EXPH5: variants seen among roughly 807,000 people sequenced by gnomAD.
EXPH5 encodes exophilin 5, also known as exophilin-5.
A neutral mutation model predicts 41.1 loss-of-function variants in EXPH5; 42 were observed. That is an observed-to-expected ratio of 1.02 (90% CI 0.80 to 1.32). The LOEUF (loss-of-function observed/expected upper bound fraction) is 1.32, where lower values mean the gene tolerates loss of function less well. Ranked by LOEUF, EXPH5 falls within the 40% of genes most tolerant of loss-of-function variation. The pLI, the probability that EXPH5 is intolerant of heterozygous loss-of-function variation, is 0.00. For synonymous variants in EXPH5, 798 were observed against 833.5 expected, an observed-to-expected ratio of 0.96 and a Z score of 0.73; for missense variants, 2,298 against 2,314.5, an observed-to-expected ratio of 0.99 and a Z score of 0.15.
At chr11:108,566,457 G>C (rs1565825919) in intron 1 of EXPH5, among the ~76,000 whole-genome samples, 1 of 152,152 alleles carries the variant, frequency 6.6e-6, no homozygotes, top group Non-Finnish European at 1.5e-5. Flanking sequence ...TGGTTACAAA[G>C]TTTTTATTTG....
rs1311667707 is a variant in EXPH5 at position 108,513,936 on chromosome 11, T to C, written c.1571A>G (p.Asn524Ser). Residue 524 changes from asparagine to serine, a missense_variant, in exon 6 of 6, where the codon AAT (asparagine) becomes AGT (serine). Physicochemically the swap from Asn to Ser is conservative, Grantham distance 46 (BLOSUM62 1). Transcript: ENST00000265843. ...ANSVSAIHGH[N>S]VSSEHWESFS... ...TGATTCCCAGTGTTCAGAAGAAACA[T>C]TATGGCCATGAATGGCTGATACACT... The C allele has an allele frequency of 1.2e-6, 2 of 1,608,128 alleles. No individual in the cohort carries two copies. Among genetic ancestry groups the C allele is most frequent in the East Asian group, 2.2e-5 (1 of 44,858 alleles).
At position 108,511,093 on chromosome 11, in the gene EXPH5, C is replaced by G. The variant is rs765181920; in HGVS notation, c.4414G>C (p.Val1472Leu). The change falls in exon 6 of 6, where the codon GTA (valine) becomes CTA (leucine). Residue 1472 changes from valine (V) to leucine (L), a missense_variant. Coordinates refer to ENST00000265843, the MANE Select transcript of EXPH5 (RefSeq NM_015065.3). ...CPQKDHTSTA[V>L]GDGSSGSQPR... ...TGTGATCCACTGGAGCCATCACCTA[C>G]AGCTGTGGATGTGTGATCTTTCTGG... 8 of 1,614,126 alleles carry G rather than the reference C, an allele frequency of 5.0e-6. No homozygotes were observed. The South Asian group carries it at 8.8e-5, about 18-fold the overall frequency.
chr11:108,545,597 G>A (rs1012319968), intron 1 of EXPH5, among the ~76,000 whole-genome samples: 1 of 151,976 alleles, frequency 6.6e-6, no homozygotes, highest in Non-Finnish European at 1.5e-5. Flanking sequence ...TGTGTGTGGG[G>A]GGGAAACAAT....
chr11:108,561,126 T>C (rs142052667), intron 1 of EXPH5, among the ~76,000 whole-genome samples: 90 of 152,286 alleles, frequency 5.9e-4, no homozygotes, highest in African/African-American at 2.1e-3. Context: ...CTGTAAACAA[T>C]CAGCCTATTT....
At chr11:108,533,108 A>G (rs965871231) in intron 3 of EXPH5, among the ~76,000 whole-genome samples, 6 of 152,158 alleles carry the variant, frequency 3.9e-5, no homozygotes, top group African/African-American at 1.4e-4. Context: ...ATGATCATCT[A>G]TCTACCTAGT....
chr11:108,576,319 C>G (rs73550541), intron 1 of EXPH5, among the ~76,000 whole-genome samples: 1 of 152,036 alleles, frequency 6.6e-6, no homozygotes, highest in Non-Finnish European at 1.5e-5. Context: ...TAAAAGAAGA[C>G]AGACAAAAAT....
chr11:108,545,523 C>T (rs914390702), intron 1 of EXPH5, among the ~76,000 whole-genome samples: 3 of 151,876 alleles, frequency 2.0e-5, no homozygotes, highest in South Asian at 4.2e-4. Flanking sequence ...ACATTTGAAC[C>T]CTGGGCAAAG....
intron 1 of EXPH5, among the ~76,000 whole-genome samples, chr11:108,546,960 G>A (rs781680159): frequency 2.4e-4 from 36 of 151,512 alleles, no homozygotes; most frequent in Non-Finnish European, 4.0e-4. Context: ...GTGCCACCAC[G>A]CCCAGCTAAT....
upstream of EXPH5, chr11:108,593,863 C>T (rs1312106347): frequency 8.7e-6 from 8 of 920,474 alleles, no homozygotes; most frequent in Non-Finnish European, 1.3e-5. Flanking sequence ...CGTCCCGTCC[C>T]TCGTCCCCTC....
the EXPH5 span, among the ~76,000 whole-genome samples, chr11:108,602,082 G>T: frequency 1.3e-5 from 2 of 152,110 alleles, no homozygotes; most frequent in South Asian, 2.1e-4. Flanking sequence ...TTTCCTATTT[G>T]CTTTTAAGGC....
Position 108,511,717 on chromosome 11 carries a change from A to AT in EXPH5, c.3789dup (p.Phe1264IlefsTer3). 2 of 1,608,526 alleles carry AT rather than the reference A, an allele frequency of 1.2e-6. No individual in the cohort carries two copies. The highest frequency in any genetic ancestry group is 1.3e-5 in the African/African-American group (1 of 74,580). On this transcript the variant is annotated frameshift_variant, in exon 6 of 6. Coordinates refer to ENST00000265843, the MANE Select transcript of EXPH5 (RefSeq NM_015065.3). LOFTEE classifies it low-confidence loss of function (END_TRUNC). The stretch of plus-strand genomic sequence containing the variant: ...GTATACTGTTGAAGGAGGTTACAGA[A>AT]TTTTTTGCTGGGTTTCCTCGGTAGA...
At chr11:108,579,861 G>A (rs1009374594) in intron 1 of EXPH5, among the ~76,000 whole-genome samples, 2 of 152,136 alleles carry the variant, frequency 1.3e-5, no homozygotes, top group African/African-American at 4.8e-5. Context: ...TAGGAAAAGG[G>A]TTTTCTGGCA....
chr11:108,539,836 G>A (rs570243525), intron 2 of EXPH5, among the ~76,000 whole-genome samples: 1 of 152,192 alleles, frequency 6.6e-6, no homozygotes, highest in African/African-American at 2.4e-5. Flanking sequence ...GGGATTTTTG[G>A]ATTTGGGATG....
At chr11:108,568,406 C>T (rs1366729096) in intron 1 of EXPH5, among the ~76,000 whole-genome samples, 7 of 152,072 alleles carry the variant, frequency 4.6e-5, no homozygotes, top group Admixed American at 1.3e-4. Flanking sequence ...CAGGTGGCTG[C>T]TCTCAGCTTC....
intron 1 of EXPH5, among the ~76,000 whole-genome samples, chr11:108,567,591 C>T (rs1221038816): frequency 6.6e-6 from 1 of 152,144 alleles, no homozygotes; most frequent in Non-Finnish European, 1.5e-5. Flanking sequence ...TTTCTTGGGT[C>T]CCATACTTTG....
the EXPH5 span, among the ~76,000 whole-genome samples, chr11:108,599,854 T>G: frequency 6.6e-6 from 1 of 152,206 alleles, no homozygotes; most frequent in Admixed American, 6.5e-5. Flanking sequence ...GATGCAGGCT[T>G]TAATAACTAC....
intron 2 of EXPH5, among the ~76,000 whole-genome samples, chr11:108,540,224 G>A (rs563946800): frequency 6.6e-6 from 1 of 152,278 alleles, no homozygotes; most frequent in Non-Finnish European, 1.5e-5. Context: ...TCAGGAGGCT[G>A]AGGCAGGAGA....
intron 1 of EXPH5, among the ~76,000 whole-genome samples, chr11:108,561,976 C>CTGCA (rs2094013664): frequency 6.6e-6 from 1 of 152,178 alleles, no homozygotes; most frequent in African/African-American, 2.4e-5. Context: ...CACCAGAATG[C>CTGCA]TGCAGTATTC....
chr11:108,563,336 AG>A (rs2094020862), intron 1 of EXPH5, among the ~76,000 whole-genome samples: 1 of 152,214 alleles, frequency 6.6e-6, no homozygotes, highest in African/African-American at 2.4e-5. Flanking sequence ...AAGCAACCAC[AG>A]TATGACTGTG....
Sources: allele counts gnomAD v4.1 joint callset (sites outside exome capture counted in the v4.1 genomes callset), GRCh38; gene constraint gnomAD v4.1.1; transcripts MANE v1.5; gene names NCBI Gene and HGNC (gene_info 2026-07-23, HGNC 2026-07-21).